Variants in COMMD10 observed in about 807,000 individuals in gnomAD.
The protein encoded by COMMD10 is COMM domain-containing protein 10.
COMMD10 carries 33 observed loss-of-function variants against 28.9 expected under a neutral mutation model. The observed-to-expected ratio is 1.14, with a 90% confidence interval of 0.87 to 1.53. The LOEUF is 1.53. COMMD10 is among the 40% of genes most tolerant of loss of function. The pLI, the probability that COMMD10 is intolerant of heterozygous loss-of-function variation, is 0.00. For missense variants in COMMD10, 310 were observed against 233.4 expected, an observed-to-expected ratio of 1.33 and a Z score of -2.14; for synonymous variants, 110 against 81.7, an observed-to-expected ratio of 1.35 and a Z score of -1.87.
chr5:116,253,725 C>T (rs1750192270), intron 5 of COMMD10, among the ~76,000 whole-genome samples: 1 of 148,928 alleles, frequency 6.7e-6, no homozygotes, highest in Non-Finnish European at 1.5e-5. Context: ...ATTTTTGCAT[C>T]AATGTTCATC....
In COMMD10 at chr5:116,116,767, G is replaced by A. The variant is rs1329514607; in HGVS notation, c.400-17301G>A. On this transcript the variant is annotated intron_variant, in intron 4 of 6. Coordinates refer to ENST00000274458, the MANE Select transcript of COMMD10 (RefSeq NM_016144.4). Reference sequence around the variant, plus strand: ...CGCTCTGTCGCCCAGGCCGGACTGTGGACTGCAGTGGCGCAATCTCGGCTC... The same window carrying A: ...CGCTCTGTCGCCCAGGCCGGACTGTAGACTGCAGTGGCGCAATCTCGGCTC... Among the ~76,000 whole-genome samples, 6 of 148,552 alleles carry A rather than the reference G, an allele frequency of 4.0e-5. 1 individual carries two copies. In the South Asian group the frequency reaches 8.5e-4, roughly 21 times the overall value.
chr5:116,263,258 T>G (rs1304917722), intron 5 of COMMD10, among the ~76,000 whole-genome samples: 1 of 151,798 alleles, frequency 6.6e-6, no homozygotes, highest in Non-Finnish European at 1.5e-5. Context: ...TTGCCCAAAT[T>G]CCTACATAAG....
chr5:116,150,222 G>A (rs1456876217), intron 5 of COMMD10, among the ~76,000 whole-genome samples: 2 of 152,122 alleles, frequency 1.3e-5, no homozygotes, highest in Non-Finnish European at 2.9e-5. Context: ...CTATATCTCT[G>A]TTTTGGTACC....
rs540130979 is a variant in COMMD10 at position 116,263,194 on chromosome 5, A to G, written c.511-28323A>G. 2.5e-4 allele frequency among the ~76,000 whole-genome samples: 38 copies of G among 151,924 alleles called. 1 individual carries two copies. The highest frequency in any genetic ancestry group is 9.0e-4 in the African/African-American group (37 of 41,288). ...GTTGGAGGACTTTTTAAAAACATCT[A>G]TGAAACACTAAGATACGTCTGAATT... On this transcript the variant is annotated intron_variant, in intron 5 of 6. Transcript: ENST00000274458.
At chr5:116,096,232 T>A (rs1017750523) in intron 4 of COMMD10, among the ~76,000 whole-genome samples, 3 of 152,038 alleles carry the variant, frequency 2.0e-5, no homozygotes, top group African/African-American at 7.2e-5. Context: ...AGTATATCTA[T>A]TTATTTAGGT....
intron 5 of COMMD10, among the ~76,000 whole-genome samples, chr5:116,260,868 A>G (rs1750422862): frequency 6.6e-6 from 1 of 151,796 alleles, no homozygotes; most frequent in Non-Finnish European, 1.5e-5. Flanking sequence ...CATAGGGTTT[A>G]TTTGTGGAGT....
At chr5:116,167,113 C>T (rs954181350) in intron 5 of COMMD10, among the ~76,000 whole-genome samples, 6 of 151,228 alleles carry the variant, frequency 4.0e-5, no homozygotes, top group African/African-American at 1.2e-4. Context: ...AAAAAGGTTG[C>T]AGGAATTGCT....
At chr5:116,123,684 G>C (rs1751519293) in intron 4 of COMMD10, among the ~76,000 whole-genome samples, 1 of 152,134 alleles carries the variant, frequency 6.6e-6, no homozygotes, top group African/African-American at 2.4e-5. Context: ...TTTCAGCTAT[G>C]AATCTGTCTG....
intron 5 of COMMD10, among the ~76,000 whole-genome samples, chr5:116,167,883 A>G (rs929824228): frequency 1.3e-5 from 2 of 152,294 alleles, no homozygotes; most frequent in Admixed American, 6.5e-5. Flanking sequence ...AAAACATACA[A>G]AATTGTAAAG....
At chr5:116,250,779 A>T (rs1750090277) in intron 5 of COMMD10, among the ~76,000 whole-genome samples, 1 of 151,950 alleles carries the variant, frequency 6.6e-6, no homozygotes, top group Non-Finnish European at 1.5e-5. Context: ...GAAGATACAG[A>T]GCTCAAAACA....
chr5:116,174,791 C>T (rs1302826455), intron 5 of COMMD10, among the ~76,000 whole-genome samples: 5 of 152,262 alleles, frequency 3.3e-5, no homozygotes, highest in East Asian at 3.9e-4. Flanking sequence ...GTAGTAGCCA[C>T]TCTTACTCAA....
chr5:116,260,100 A>G (rs1016978671), intron 5 of COMMD10, among the ~76,000 whole-genome samples: 1 of 151,764 alleles, frequency 6.6e-6, no homozygotes. Context: ...GGGGAAAGGA[A>G]AGAGGTAAAT....
chr5:116,101,922 G>C (rs1750677733), intron 4 of COMMD10, among the ~76,000 whole-genome samples: 1 of 152,028 alleles, frequency 6.6e-6, no homozygotes. Flanking sequence ...TGTTGTTGTT[G>C]TTCAGTTGTT....
rs530009087 is a variant in COMMD10, at chr5:116,245,104, A to G, written c.511-46413A>G. Among the ~76,000 whole-genome samples, 263 of 152,158 alleles carry G rather than the reference A, an allele frequency of 1.7e-3. 3 individuals are homozygous for G. The highest frequency in any genetic ancestry group is 5.9e-3 in the African/African-American group (246 of 41,542). On this transcript the variant is annotated intron_variant, in intron 5 of 6. Coordinates refer to ENST00000274458, the MANE Select transcript of COMMD10 (RefSeq NM_016144.4). Reference sequence around the variant, plus strand: ...ATCACTAGCTAGACTAATAAAGAAGAAAAGAGAATATTCATATAAACACAA... The same window carrying G: ...ATCACTAGCTAGACTAATAAAGAAGGAAAGAGAATATTCATATAAACACAA...
chr5:116,125,745 G>A (rs552714409), intron 4 of COMMD10, among the ~76,000 whole-genome samples: 6 of 152,050 alleles, frequency 3.9e-5, no homozygotes, highest in South Asian at 2.1e-4. Context: ...GGCTTTGTTC[G>A]TTTCTTTTTA....
At chr5:116,278,596 A>G (rs544739883) in intron 5 of COMMD10, among the ~76,000 whole-genome samples, 14 of 152,024 alleles carry the variant, frequency 9.2e-5, no homozygotes, top group African/African-American at 2.9e-4. Flanking sequence ...CAAAATGAAT[A>G]TATCTAATTA....
rs553639869 is a variant in COMMD10 at position 116,212,421 on chromosome 5, G to A, written c.510+78243G>A. On this transcript the variant is annotated intron_variant, in intron 5 of 6. Transcript: ENST00000274458. ...ATTGGGGCTTTTTGCAGAGGATTGG[G>A]GCTTTTTGCAGAGCAGGCCTGCAAG... Among the ~76,000 whole-genome samples the A allele has an allele frequency of 2.0e-5, 3 of 151,858 alleles. No individual in the cohort carries two copies. In the East Asian group the frequency reaches 5.8e-4, roughly 29 times the overall value.
Position 116,288,874 on chromosome 5 carries a change from T to C in COMMD10, c.511-2643T>C, listed in dbSNP as rs374656215. 7.4e-3 allele frequency among the ~76,000 whole-genome samples: 361 copies of C among 48,810 alleles called. 3 individuals carry two copies. Among genetic ancestry groups the C allele is most frequent in the African/African-American group, 0.035 (212 of 6,032 alleles). The allele number at this position is 48,810 out of a possible 152,430, so 32.0% of individuals were successfully genotyped here. ...TTTCAATTGTTGGTGTTCTCTCTCT[T>C]TTTTTTTTTTTTTTTTTTTTTTTTT... On this transcript the variant is annotated intron_variant, in intron 5 of 6. Coordinates refer to ENST00000274458, the MANE Select transcript of COMMD10 (RefSeq NM_016144.4).
At chr5:116,291,295 C>T (rs1751353492) in intron 5 of COMMD10, among the ~76,000 whole-genome samples, 2 of 152,166 alleles carry the variant, frequency 1.3e-5, no homozygotes, top group African/African-American at 4.8e-5. Context: ...TTCGTAGAGT[C>T]AACTTAAAGG....
Sources: gnomAD v4.1 joint callset for allele counts (sites outside exome capture counted in the v4.1 genomes callset) on GRCh38, gnomAD v4.1.1 for gene constraint, MANE v1.5 for transcripts, NCBI Gene and HGNC (gene_info 2026-07-23, HGNC 2026-07-21) for gene names.